Variants in CEP128 observed in about 807,000 individuals in gnomAD.
CEP128 encodes the protein centrosomal protein 128kDa.
In CEP128, 132 loss-of-function variants were observed where a neutral mutation model predicts 156.7. That is an observed-to-expected ratio of 0.84 (90% CI 0.73 to 0.97). The LOEUF (loss-of-function observed/expected upper bound fraction) is 0.97, where lower values mean the gene tolerates loss of function less well. Among genes scored for constraint, CEP128 ranks in the 50% least tolerant of loss-of-function variants. The pLI is 0.00. For missense variants in CEP128, 1,252 were observed against 1,281.9 expected, an observed-to-expected ratio of 0.98 and a Z score of 0.36; for synonymous variants, 469 against 448.9, an observed-to-expected ratio of 1.04 and a Z score of -0.57.
chr14:80,904,907 G>A lies in CEP128; in HGVS notation c.386C>T (p.Ser129Leu). The A allele has an allele frequency of 6.2e-7, 1 of 1,605,802 alleles. No homozygotes were observed. The highest frequency in any genetic ancestry group is 2.2e-5 in the East Asian group (1 of 44,814). ...GSELHHFPPT[S>L]PLKDYGDPQG... ...TGGATCCCCATAGTCCTTGAGAGGT[G>A]AGGTAGGTGGAAAATGATGGAGCTC... Residue 129 changes from serine to leucine, a missense_variant, in exon 6 of 25, where the codon TCA becomes TTA. By Grantham distance (145) the Ser-to-Leu change is moderately radical (BLOSUM62 -2). Coordinates refer to ENST00000555265, the MANE Select transcript of CEP128 (RefSeq NM_152446.5).
chr14:80,674,320 G>C (rs894476885), intron 19 of CEP128, among the ~76,000 whole-genome samples: 21 of 152,134 alleles, frequency 1.4e-4, no homozygotes, highest in African/African-American at 3.1e-4. Context: ...ATTCCTGCAA[G>C]TATTCACTAC....
intron 19 of CEP128, among the ~76,000 whole-genome samples, chr14:80,725,172 T>C (rs949686794): frequency 1.3e-5 from 2 of 150,018 alleles, no homozygotes; most frequent in Non-Finnish European, 3.0e-5. Flanking sequence ...TTTGTCATTC[T>C]TGTTTTCCCA....
At chr14:80,543,968 A>G (rs1000972706) in intron 21 of CEP128, among the ~76,000 whole-genome samples, 1 of 152,188 alleles carries the variant, frequency 6.6e-6, no homozygotes, top group African/African-American at 2.4e-5. Flanking sequence ...TCTAGAAAAC[A>G]TGCAATACTC....
chr14:80,517,754 G>A (rs1427468243), intron 23 of CEP128, among the ~76,000 whole-genome samples: 1 of 152,156 alleles, frequency 6.6e-6, no homozygotes, highest in Non-Finnish European at 1.5e-5. Flanking sequence ...TGCAGTGAGT[G>A]TTATAGCTCT....
intron 16 of CEP128, among the ~76,000 whole-genome samples, chr14:80,768,947 T>C (rs1181914848): frequency 6.6e-6 from 1 of 152,202 alleles, no homozygotes; most frequent in Non-Finnish European, 1.5e-5. Flanking sequence ...AAATAACAAA[T>C]ACCTTCTAAA....
intron 19 of CEP128, among the ~76,000 whole-genome samples, chr14:80,730,399 T>C (rs753877983): frequency 6.6e-6 from 1 of 152,182 alleles, no homozygotes; most frequent in African/African-American, 2.4e-5. Context: ...GGTCATTCTA[T>C]ACTCAGAATG....
intron 8 of CEP128, among the ~76,000 whole-genome samples, chr14:80,869,048 TG>T (rs1407015444): frequency 6.6e-6 from 1 of 152,032 alleles, no homozygotes; most frequent in Non-Finnish European, 1.5e-5. Flanking sequence ...ATAGTAGTTT[TG>T]TGGACAATGG....
chr14:80,504,946 G>A lies in CEP128; in HGVS notation c.3147C>T (p.Arg1049=), dbSNP rs1182582697. 1 of 1,605,774 alleles carries A rather than the reference G, an allele frequency of 6.2e-7. No individual in the cohort carries two copies. Among genetic ancestry groups the A allele is most frequent in the East Asian group, 2.2e-5 (1 of 44,620 alleles). ...DHSSSWQDHS[R]FLSSPRFSYV... ...ATGAAAATCTTGGACTAGACAGGAA[G>A]CGACTGTGATCCTGCCAAGAGGATG... Residue 1049 remains arginine (R), a synonymous_variant, in exon 24 of 25, where the codon CGC becomes CGT. Coordinates refer to ENST00000555265, the MANE Select transcript of CEP128 (RefSeq NM_152446.5).
At position 80,656,510 on chromosome 14, in the gene CEP128, T is replaced by C. The variant is rs1895180410; in HGVS notation, c.2807-76087A>G. On this transcript the variant is annotated intron_variant, in intron 19 of 24. Transcript: ENST00000555265. ...GTAAAAACAATTAGGACTGAAAAGA[T>C]TGAACTCCGTTTTGTTTTCTCCACC... Among the ~76,000 whole-genome samples the C allele has an allele frequency of 2.0e-5, 3 of 151,088 alleles. No homozygotes were observed. In the South Asian group the frequency reaches 6.3e-4, roughly 32 times the overall value.
chr14:80,690,611 A>G (rs1896689443), intron 19 of CEP128, among the ~76,000 whole-genome samples: 2 of 152,178 alleles, frequency 1.3e-5, no homozygotes, highest in Admixed American at 6.6e-5. Context: ...ACAAGAAAAT[A>G]TATTTCTTTT....
chr14:80,707,371 T>G (rs1326645763), intron 19 of CEP128, among the ~76,000 whole-genome samples: 1 of 152,178 alleles, frequency 6.6e-6, no homozygotes, highest in Non-Finnish European at 1.5e-5. Flanking sequence ...GTGCTAGAGC[T>G]GCCTGAGGAG....
At chr14:80,612,981 C>G (rs1893054995) in intron 19 of CEP128, among the ~76,000 whole-genome samples, 1 of 150,528 alleles carries the variant, frequency 6.6e-6, no homozygotes, top group South Asian at 2.1e-4. Context: ...GCTGGGACTA[C>G]AGGTGCACGC....
chr14:80,830,377 T>C (rs1364952567), intron 13 of CEP128: 1 of 401,616 alleles, frequency 2.5e-6, no homozygotes, highest in Non-Finnish European at 4.4e-6. Context: ...TTTTCTACCT[T>C]TCATTTTAAT....
At chr14:80,688,652 C>T (rs1896606898) in intron 19 of CEP128, among the ~76,000 whole-genome samples, 1 of 152,178 alleles carries the variant, frequency 6.6e-6, no homozygotes, top group Non-Finnish European at 1.5e-5. Flanking sequence ...ATTCACTTTG[C>T]TGTGAGTTGA....
intron 19 of CEP128, among the ~76,000 whole-genome samples, chr14:80,644,287 A>T (rs1172351957): frequency 6.6e-6 from 1 of 152,170 alleles, no homozygotes; most frequent in Non-Finnish European, 1.5e-5. Flanking sequence ...TAGCCCTGGG[A>T]AACTGACATA....
intron 19 of CEP128, among the ~76,000 whole-genome samples, chr14:80,664,491 C>CA (rs35365427): frequency 1.8e-3 from 269 of 145,504 alleles, no homozygotes; most frequent in East Asian, 0.011. Flanking sequence ...AATATGAGGG[C>CA]AAAAAAAAAA....
intron 13 of CEP128, among the ~76,000 whole-genome samples, chr14:80,810,479 A>T (rs1417611511): frequency 1.3e-5 from 2 of 152,114 alleles, no homozygotes; most frequent in Admixed American, 6.6e-5. Context: ...ATGGATTTTT[A>T]AAAATGTGAC....
intron 19 of CEP128, among the ~76,000 whole-genome samples, chr14:80,627,610 T>C (rs1044369658): frequency 2.0e-5 from 3 of 152,192 alleles, no homozygotes; most frequent in African/African-American, 7.2e-5. Context: ...TATATGTTTA[T>C]TTAGATTGTA....
Position 80,955,184 on chromosome 14 carries a change from C to T in CEP128, c.-172+2994G>A, listed in dbSNP as rs75586683. ...TGGTCCGCCCGCGGACAGTCCACTC[C>T]GCGGGGACTTTCTCTGGATAAGGAG... is the stretch of plus-strand genomic sequence containing the variant. On this transcript the variant is annotated intron_variant, in intron 2 of 7. Transcript: ENST00000555529. 505 of 237,028 alleles carry T rather than the reference C, an allele frequency of 2.1e-3. 6 individuals are homozygous for T. Among genetic ancestry groups the T allele is most frequent in the African/African-American group, 0.011 (486 of 44,686 alleles). 14.7% of individuals were successfully genotyped at this position (237,028 alleles called of 1,614,324 possible). A position where few individuals can be genotyped will look rare whatever the true frequency, so the allele number is the denominator to read the frequency against.
Sources: allele counts gnomAD v4.1 joint callset (sites outside exome capture counted in the v4.1 genomes callset), GRCh38; gene constraint gnomAD v4.1.1; transcripts MANE v1.5; gene names NCBI Gene and HGNC (gene_info 2026-07-23, HGNC 2026-07-21).